ZNF317: variants seen among roughly 807,000 people sequenced by gnomAD.
ZNF317 encodes the protein KRAB-containing zinc finger protein 317.
Under a neutral mutation model 23.4 loss-of-function variants are expected in ZNF317, and 17 were observed. The ratio of observed to expected loss-of-function variants is 0.73; its 90% confidence interval spans 0.50 to 1.09. ZNF317 has a LOEUF of 1.09. ZNF317 is among the 50% of genes least tolerant of loss of function. The probability of loss-of-function intolerance (pLI) is 0.00; values close to 1 mark genes in which losing one functional copy is unlikely to be tolerated. For missense variants in ZNF317, 679 were observed against 796.7 expected (o/e 0.85, Z 1.78); for synonymous variants, 317 against 314.9 (o/e 1.01, Z -0.07).
intron 2 of ZNF317, 114 bp downstream of exon 2, chr19:9,156,155 TGGAA>T: frequency 7.3e-7 from 1 of 1,375,420 alleles, no homozygotes; most frequent in South Asian, 1.2e-5. Context: ...GATGGGCAAG[TGGAA>T]AAGGGGTGGG....
At chr19:9,151,060 G>A (rs2050731963) in intron 1 of ZNF317, among the ~76,000 whole-genome samples, 1 of 152,136 alleles carries the variant, frequency 6.6e-6, no homozygotes, top group Non-Finnish European at 1.5e-5. Flanking sequence ...CATTAATGTT[G>A]GTGGGGAAAG....
At chr19:9,145,380 C>G (rs1287337254) in intron 1 of ZNF317, among the ~76,000 whole-genome samples, 1 of 152,178 alleles carries the variant, frequency 6.6e-6, no homozygotes, top group Non-Finnish European at 1.5e-5. Flanking sequence ...GCCTTGGCCT[C>G]CCAGCATGCT....
intron 1 of ZNF317, among the ~76,000 whole-genome samples, chr19:9,142,106 C>T (rs1044711444): frequency 7.2e-5 from 11 of 152,154 alleles, no homozygotes; most frequent in Non-Finnish European, 1.3e-4. Flanking sequence ...ATGTCCGGCT[C>T]AGTAAAGTTT....
chr19:9,160,557 G>A lies in ZNF317; in HGVS notation c.912G>A (p.Arg304=). ...ACATGCGAGTTCACACTGGCGAGAG[G>A]CCTTACAAGTGTGATCAGTGCGGGA... ...KIHMRVHTGE[R]PYKCDQCGKA... Residue 304 remains arginine, a synonymous_variant, in exon 7 of 7, where the codon AGG becomes AGA. Transcript: ENST00000247956. This position sits in a 1 kb window ranked among gnomAD's most constrained non-coding sequence, Gnocchi z 6.8. The A allele has an allele frequency of 6.2e-7, 1 of 1,614,170 alleles. No individual in the cohort carries two copies. Among genetic ancestry groups the A allele is most frequent in the South Asian group, 1.1e-5 (1 of 91,092 alleles).
Position 9,156,642 on chromosome 19 carries a change from A to G in ZNF317, c.56A>G (p.Gln19Arg), listed in dbSNP as rs2050786590. The G allele has an allele frequency of 6.2e-7, 1 of 1,614,146 alleles. No individual in the cohort carries two copies. The highest frequency in any genetic ancestry group is 1.6e-4 in the Middle Eastern group (1 of 6,062). Residue 19 changes from glutamine to arginine, a missense_variant, in exon 3 of 7, where the codon CAG becomes CGG. Transcript: ENST00000247956. ...TCCACCCAGGATTCCACCTGTCTCCAGGACTCAGAATTTCCTGTTTCTTCA... is the reference window on the plus strand; with the variant it reads ...TCCACCCAGGATTCCACCTGTCTCCGGGACTCAGAATTTCCTGTTTCTTCA... ...ATSTQDSTCLQDSEFPVSSKD... is the reference protein window; with the variant it reads ...ATSTQDSTCLRDSEFPVSSKD...
Position 9,160,464 on chromosome 19 carries a change from C to T in ZNF317, c.819C>T (p.Leu273=). The change falls in exon 7 of 7, where the codon CTC becomes CTT. Residue 273 remains leucine, a synonymous_variant. Transcript: ENST00000247956. The surrounding 1 kb of genome is among the most constrained non-coding windows in gnomAD (Gnocchi z 6.8). Reference sequence around the variant, plus strand: ...TTAGGAGCCACGCAAGAACTCACCTCAAAGAGAAGCCCTTTGACTGCAGTC... The same window carrying T: ...TTAGGAGCCACGCAAGAACTCACCTTAAAGAGAAGCCCTTTGACTGCAGTC... The part of the protein sequence containing the change: ...SALRSHARTH[L]KEKPFDCSQC... The T allele has an allele frequency of 1.2e-6, 2 of 1,614,010 alleles. No individual in the cohort carries two copies. The highest frequency in any genetic ancestry group is 1.7e-6 in the Non-Finnish European group (2 of 1,180,010).
chr19:9,160,967 C>CT lies in ZNF317; in HGVS notation c.1323dup (p.Gly442TrpfsTer44). On this transcript the variant is annotated frameshift_variant, in exon 7 of 7. Coordinates refer to ENST00000247956, the MANE Select transcript of ZNF317 (RefSeq NM_020933.5). LOFTEE classifies it low-confidence loss of function (END_TRUNC). This position sits in a 1 kb window ranked among gnomAD's most constrained non-coding sequence, Gnocchi z 6.8. ...CTTAAGACTCACATGAACTCTCACA[C>CT]TGGAGAGAAACCATACGGGTGCGAT... is the stretch of plus-strand genomic sequence containing the variant. The CT allele has an allele frequency of 1.2e-6, 2 of 1,614,238 alleles. No individual in the cohort carries two copies. The highest frequency in any genetic ancestry group is 8.5e-7 in the Non-Finnish European group (1 of 1,180,046).
At chr19:9,145,095 A>G (rs551110521) in intron 1 of ZNF317, among the ~76,000 whole-genome samples, 24 of 151,458 alleles carry the variant, frequency 1.6e-4, no homozygotes, top group African/African-American at 5.1e-4. Context: ...CCCAGGCTGG[A>G]GTGCAATGGC....
chr19:9,153,871 G>A (rs1417663284), intron 1 of ZNF317, among the ~76,000 whole-genome samples: 2 of 152,190 alleles, frequency 1.3e-5, no homozygotes, highest in African/African-American at 4.8e-5. Flanking sequence ...GGTAGTGGAT[G>A]CTGGGTGTAC....
At chr19:9,147,649 G>A (rs1038831960) in intron 1 of ZNF317, among the ~76,000 whole-genome samples, 5 of 152,062 alleles carry the variant, frequency 3.3e-5, no homozygotes, top group African/African-American at 1.2e-4. Flanking sequence ...TCCTGGTTTT[G>A]TTTCATGTAT....
chr19:9,160,716 G>T lies in ZNF317; in HGVS notation c.1071G>T (p.Thr357=), dbSNP rs763229027. Residue 357 remains threonine, a synonymous_variant, in exon 7 of 7, where the codon ACG becomes ACT. Transcript: ENST00000247956. The surrounding 1 kb of genome is among the most constrained non-coding windows in gnomAD (Gnocchi z 6.8). The part of the protein sequence containing the change: ...SHLKEHVRNH[T]GEKPYACTQC... ...TCAAAGAGCACGTGAGGAATCACACGGGGGAGAAGCCCTACGCGTGCACGC... is the reference window on the plus strand; with the variant it reads ...TCAAAGAGCACGTGAGGAATCACACTGGGGAGAAGCCCTACGCGTGCACGC... 1 of 1,613,990 alleles carries T rather than the reference G, an allele frequency of 6.2e-7. No homozygotes were observed. The highest frequency in any genetic ancestry group is 1.3e-5 in the African/African-American group (1 of 74,916).
Position 9,147,845 on chromosome 19 carries a change from C to A in ZNF317, c.-93+7253C>A, listed in dbSNP as rs543023847. On this transcript the variant is annotated intron_variant, in intron 1 of 6. Coordinates refer to ENST00000247956, the MANE Select transcript of ZNF317 (RefSeq NM_020933.5). ...TGTGTATCCGCCCCCTCCCCCCCTC[C>A]AAATCTCATATGGAAATGTAATTCC... Among the ~76,000 whole-genome samples, 10 of 152,262 alleles carry A rather than the reference C, an allele frequency of 6.6e-5. No individual in the cohort carries two copies. In the South Asian group the frequency reaches 1.9e-3, roughly 28 times the overall value.
At chr19:9,150,552 C>T (rs930232296) in intron 1 of ZNF317, among the ~76,000 whole-genome samples, 7 of 152,064 alleles carry the variant, frequency 4.6e-5, no homozygotes, top group African/African-American at 1.7e-4. Context: ...CAATGTGGAC[C>T]TGTGGGAGAT....
chr19:9,145,820 G>T (rs2050677900), intron 1 of ZNF317, among the ~76,000 whole-genome samples: 1 of 151,990 alleles, frequency 6.6e-6, no homozygotes, highest in Non-Finnish European at 1.5e-5. Flanking sequence ...GCTACAACTG[G>T]CTTTGAAACT....
intron 6 of ZNF317, 126 bp downstream of exon 6, chr19:9,159,034 G>A: frequency 1.5e-6 from 1 of 665,016 alleles, no homozygotes; most frequent in Non-Finnish European, 2.7e-6. Context: ...GTGTTTCAGA[G>A]ACACTGGGTA....
At chr19:9,156,999 A>C in intron 3 of ZNF317, 1 of 642,254 alleles carries the variant, frequency 1.6e-6, no homozygotes, top group Non-Finnish European at 2.6e-6. Flanking sequence ...GGGGGAAATA[A>C]AGGGCAAAGC....
In ZNF317 at chr19:9,153,382, C is replaced by T. The variant is rs370554721; in HGVS notation, c.-92-2543C>T. 5.3e-5 allele frequency among the ~76,000 whole-genome samples: 8 copies of T among 152,254 alleles called. 1 individual carries two copies. In the South Asian group the frequency reaches 1.2e-3, roughly 24 times the overall value. On this transcript the variant is annotated intron_variant, in intron 1 of 6. Transcript: ENST00000247956. ...TTCTCCATGTTGGTCAGGCTGGTCTCGAACTCTCGACCTCAGGTGATCCAC... is the reference window on the plus strand; with the variant it reads ...TTCTCCATGTTGGTCAGGCTGGTCTTGAACTCTCGACCTCAGGTGATCCAC...
At chr19:9,143,303 A>G (rs1270431819) in intron 1 of ZNF317, among the ~76,000 whole-genome samples, 4 of 152,128 alleles carry the variant, frequency 2.6e-5, no homozygotes, top group African/African-American at 9.7e-5. Context: ...TTCTTCTTAA[A>G]GAACTTCTGG....
At chr19:9,153,148 T>G (rs570096139) in intron 1 of ZNF317, among the ~76,000 whole-genome samples, 17 of 144,108 alleles carry the variant, frequency 1.2e-4, no homozygotes, top group Admixed American at 9.6e-4. Context: ...AGGTAGTTGT[T>G]TTTGTTTGTT....
Sources: gnomAD v4.1 joint callset for allele counts (sites outside exome capture counted in the v4.1 genomes callset) on GRCh38, gnomAD v4.1.1 for gene constraint, Gnocchi (gnomAD v3.1) non-coding constraint, MANE v1.5 for transcripts, NCBI Gene and HGNC (gene_info 2026-07-23, HGNC 2026-07-21) for gene names.